Variants in SPMIP2 observed in about 807,000 individuals in gnomAD.
SPMIP2 encodes protein SPMIP2.
chr4:159,058,307 A>G, the SPMIP2 span, among the ~76,000 whole-genome samples: 1 of 152,034 alleles, frequency 6.6e-6, no homozygotes. Context: ...CAGGAAATCC[A>G]TCACCAAGAA....
the SPMIP2 span, among the ~76,000 whole-genome samples, chr4:159,068,442 G>T: frequency 4.6e-5 from 7 of 151,108 alleles, no homozygotes; most frequent in South Asian, 4.2e-4. Context: ...TTCTCACTCA[G>T]GGGTGGGAAT....
the SPMIP2 span, among the ~76,000 whole-genome samples, chr4:159,081,786 C>G: frequency 6.6e-6 from 1 of 151,856 alleles, no homozygotes; most frequent in African/African-American, 2.4e-5. Context: ...TTTAATAAGC[C>G]CTTTCTTGTT....
the SPMIP2 span, among the ~76,000 whole-genome samples, chr4:158,980,653 A>C: frequency 6.6e-6 from 1 of 152,230 alleles, no homozygotes; most frequent in South Asian, 2.1e-4. Flanking sequence ...AAATAGCATC[A>C]ACATCAACAC....
the SPMIP2 span, among the ~76,000 whole-genome samples, chr4:158,984,931 T>C: frequency 6.6e-6 from 1 of 151,364 alleles, no homozygotes; most frequent in Non-Finnish European, 1.5e-5. Flanking sequence ...ATAGACGCAA[T>C]AAAAAATGAT....
chr4:159,035,691 G>T, the SPMIP2 span, among the ~76,000 whole-genome samples: 4 of 152,188 alleles, frequency 2.6e-5, no homozygotes, highest in South Asian at 8.3e-4. Flanking sequence ...TTTACCTGTG[G>T]TTCTCAATCT....
At chr4:158,999,080 C>T in the SPMIP2 span, among the ~76,000 whole-genome samples, 4 of 151,668 alleles carry the variant, frequency 2.6e-5, no homozygotes, top group African/African-American at 9.7e-5. Flanking sequence ...TGGAGGATTG[C>T]TTGAGCCCAG....
At chr4:159,018,149 T>C in the SPMIP2 span, among the ~76,000 whole-genome samples, 1 of 152,108 alleles carries the variant, frequency 6.6e-6, no homozygotes, top group Non-Finnish European at 1.5e-5. Context: ...CAGAAGCCAG[T>C]GACACTGAAG....
At chr4:158,969,581 A>G in the SPMIP2 span, among the ~76,000 whole-genome samples, 1 of 152,102 alleles carries the variant, frequency 6.6e-6, no homozygotes, top group Non-Finnish European at 1.5e-5. Context: ...AACGTGGGGG[A>G]AGATTTTCAG....
the SPMIP2 span, among the ~76,000 whole-genome samples, chr4:159,047,462 AT>A: frequency 6.6e-6 from 1 of 152,206 alleles, no homozygotes; most frequent in African/African-American, 2.4e-5. Context: ...AATTAGAAAC[AT>A]TCTTCTCATT....
the SPMIP2 span, chr4:158,915,398 C>G: frequency 6.5e-7 from 1 of 1,529,652 alleles, no homozygotes; most frequent in Non-Finnish European, 8.9e-7. Flanking sequence ...TGGAAAAGAG[C>G]TAGAAACAAG....
the SPMIP2 span, among the ~76,000 whole-genome samples, chr4:159,009,637 T>A: frequency 1.3e-5 from 2 of 152,126 alleles, no homozygotes; most frequent in Non-Finnish European, 2.9e-5. Context: ...AATGTCCCCA[T>A]GTTTCCGTTG....
the SPMIP2 span, among the ~76,000 whole-genome samples, chr4:158,989,842 C>T: frequency 6.6e-6 from 1 of 152,156 alleles, no homozygotes; most frequent in Non-Finnish European, 1.5e-5. Context: ...ATGACTAAAA[C>T]ACCAAAAAGC....
chr4:158,992,921 T>C, the SPMIP2 span, among the ~76,000 whole-genome samples: 1 of 152,150 alleles, frequency 6.6e-6, no homozygotes, highest in African/African-American at 2.4e-5. Context: ...ACACCTGAAT[T>C]TGGGGAGGTG....
chr4:158,915,170 C>T, the SPMIP2 span: 16 of 1,609,684 alleles, frequency 9.9e-6, no homozygotes, highest in Non-Finnish European at 3.4e-6. Flanking sequence ...AACATCATAC[C>T]TTTTCCTTTT....
At chr4:159,048,247 G>A in the SPMIP2 span, among the ~76,000 whole-genome samples, 1 of 152,208 alleles carries the variant, frequency 6.6e-6, no homozygotes, top group Non-Finnish European at 1.5e-5. Context: ...GGGTAGGAGA[G>A]CTTTCCCGAG....
the SPMIP2 span, among the ~76,000 whole-genome samples, chr4:158,982,214 T>C: frequency 6.6e-6 from 1 of 152,264 alleles, no homozygotes; most frequent in Middle Eastern, 3.4e-3. Context: ...AGCACCCAGA[T>C]TCATAAAGCA....
chr4:158,939,553 C>G, the SPMIP2 span, among the ~76,000 whole-genome samples: 6 of 152,194 alleles, frequency 3.9e-5, no homozygotes, highest in African/African-American at 1.4e-4. Flanking sequence ...GAATTTTTAA[C>G]AGTTTGTCTG....
chr4:159,025,942 G>A, the SPMIP2 span, among the ~76,000 whole-genome samples: 1 of 152,224 alleles, frequency 6.6e-6, no homozygotes, highest in Non-Finnish European at 1.5e-5. Flanking sequence ...ACAGGGCCTG[G>A]CACACAGTAA....
At chr4:159,010,776 C>T in the SPMIP2 span, among the ~76,000 whole-genome samples, 2 of 152,124 alleles carry the variant, frequency 1.3e-5, no homozygotes, top group Non-Finnish European at 1.5e-5. Context: ...CTCCAGTCTG[C>T]AGTCAGCTCC....
Sources: allele counts gnomAD v4.1 joint callset (sites outside exome capture counted in the v4.1 genomes callset), GRCh38; gene constraint gnomAD v4.1.1; transcripts MANE v1.5; gene names NCBI Gene and HGNC (gene_info 2026-07-23, HGNC 2026-07-21).